KLHL29: variants seen among roughly 807,000 people sequenced by gnomAD.
The protein encoded by KLHL29 is kelch-like protein 29.
KLHL29 carries 21 observed loss-of-function variants against 80.4 expected under a neutral mutation model. That is an observed-to-expected ratio of 0.26 (90% CI 0.19 to 0.38). The LOEUF (loss-of-function observed/expected upper bound fraction) is 0.38, where lower values mean the gene tolerates loss of function less well. Among genes scored for constraint, KLHL29 ranks in the 10% least tolerant of loss-of-function variants. The pLI, the probability that KLHL29 is intolerant of heterozygous loss-of-function variation, is 1.00. For synonymous variants in KLHL29, 511 were observed against 526.8 expected (o/e 0.97, Z 0.41); for missense variants, 867 against 1,223.9 (o/e 0.71, Z 4.35).
At chr2:23,409,914 A>G (rs1347147356) in intron 1 of KLHL29, among the ~76,000 whole-genome samples, 1 of 152,202 alleles carries the variant, frequency 6.6e-6, no homozygotes, top group Non-Finnish European at 1.5e-5. Context: ...TAAGCTTAGC[A>G]TTTAAAGGGA....
rs6544862 is a variant in KLHL29, at chr2:23,457,669, C to T, written c.-153-17891C>T. 1.3e-5 allele frequency among the ~76,000 whole-genome samples: 2 copies of T among 152,094 alleles called. No individual in the cohort carries two copies. Among genetic ancestry groups the T allele is most frequent in the East Asian group, 3.9e-4 (2 of 5,174 alleles). On this transcript the variant is annotated intron_variant, in intron 1 of 13. Transcript: ENST00000486442. This position sits in a 1 kb window ranked among gnomAD's most constrained non-coding sequence, Gnocchi z 4.3. ...GCACCAGGAACAAGGTCCCTGCAGT[C>T]AGATGAAAGGTCCCCTCCTTGCCTG...
At chr2:23,504,366 G>A (rs995031771) in intron 2 of KLHL29, among the ~76,000 whole-genome samples, 5 of 152,186 alleles carry the variant, frequency 3.3e-5, no homozygotes, top group African/African-American at 1.2e-4. Context: ...GTCGGAGTGG[G>A]GGCCACTTCT....
intron 6 of KLHL29, 161 bp from the exon 7 acceptor site, chr2:23,691,513 G>A: frequency 1.6e-6 from 1 of 618,980 alleles, no homozygotes; most frequent in South Asian, 1.9e-5. Flanking sequence ...TTCTCTTTCA[G>A]ATCCCGTGTC....
At chr2:23,471,361 C>G (rs1051819370) in intron 1 of KLHL29, among the ~76,000 whole-genome samples, 5 of 152,144 alleles carry the variant, frequency 3.3e-5, no homozygotes, top group Non-Finnish European at 7.4e-5. Context: ...TCCTGGGGCC[C>G]TTGTTCATAA....
intron 2 of KLHL29, among the ~76,000 whole-genome samples, chr2:23,477,869 C>G (rs1047405136): frequency 6.6e-6 from 1 of 152,166 alleles, no homozygotes; most frequent in African/African-American, 2.4e-5. Flanking sequence ...CAGAGACACC[C>G]CAGGGCAGTG....
intron 1 of KLHL29, among the ~76,000 whole-genome samples, chr2:23,434,489 C>G (rs1367537741): frequency 1.3e-5 from 2 of 152,092 alleles, no homozygotes; most frequent in Non-Finnish European, 2.9e-5. Context: ...AGAATGCAAC[C>G]CTAATTAAAA....
intron 1 of KLHL29, among the ~76,000 whole-genome samples, chr2:23,449,858 A>G (rs1003251310): frequency 9.2e-5 from 14 of 152,146 alleles, no homozygotes; most frequent in Non-Finnish European, 8.8e-5. Flanking sequence ...GGAACCCTGC[A>G]TGTTAAATCT....
chr2:23,440,878 G>A (rs1663497832), intron 1 of KLHL29, among the ~76,000 whole-genome samples: 1 of 152,170 alleles, frequency 6.6e-6, no homozygotes, highest in Non-Finnish European at 1.5e-5. Flanking sequence ...TACACTGTTG[G>A]TGGGACTGTA....
At chr2:23,564,606 T>C (rs1667540065) in intron 3 of KLHL29, among the ~76,000 whole-genome samples, 1 of 152,206 alleles carries the variant, frequency 6.6e-6, no homozygotes, top group Admixed American at 6.5e-5. Flanking sequence ...TGGGCCACAG[T>C]GCCTTCCCGC....
Position 23,639,278 on chromosome 2 carries a change from C to G in KLHL29, c.425C>G (p.Pro142Arg). ...AAACAGATGAGAGAGAGTGACAATC[C>G]AGGTACGTACCTCATCGGCAGATAG... Reference protein sequence around the residue: ...PSKQMRESDNPGTGPWVTTVA... With the variant: ...PSKQMRESDNRGTGPWVTTVA... Residue 142 changes from proline to arginine, a missense_variant and splice_region_variant, in exon 4 of 14, where the codon CCA becomes CGA. Physicochemically the swap from Pro to Arg is moderately radical, Grantham distance 103. Coordinates refer to ENST00000486442, the MANE Select transcript of KLHL29 (RefSeq NM_052920.2). 7 of 1,547,074 alleles carry G rather than the reference C, an allele frequency of 4.5e-6. No homozygotes were observed. Among genetic ancestry groups the G allele is most frequent in the Non-Finnish European group, 6.1e-6 (7 of 1,145,052 alleles).
Position 23,695,591 on chromosome 2 carries a change from T to G in KLHL29, c.1543-32T>G. On this transcript the variant is annotated intron_variant, in intron 8 of 13. Transcript: ENST00000486442. The surrounding 1 kb of genome is among the most constrained non-coding windows in gnomAD (Gnocchi z 7.6). ...CCGGGAGGTGGCTCTCTCTTGCTAG[T>G]CTAAGAAGATTCTGTCTCCTGTACC... The G allele has an allele frequency of 2.7e-6, 4 of 1,482,816 alleles. No homozygotes were observed. Among genetic ancestry groups the G allele is most frequent in the Non-Finnish European group, 3.6e-6 (4 of 1,101,816 alleles). The allele number at this position is 1,482,816 out of a possible 1,614,324, so 91.9% of individuals were successfully genotyped here. A position where few individuals can be genotyped will look rare whatever the true frequency, so the allele number is the denominator to read the frequency against.
intron 3 of KLHL29, among the ~76,000 whole-genome samples, chr2:23,634,122 G>T (rs1669546426): frequency 6.6e-6 from 1 of 152,168 alleles, no homozygotes; most frequent in Admixed American, 6.5e-5. Flanking sequence ...CAGCACAGAT[G>T]CCTGGTACAC....
intron 1 of KLHL29, among the ~76,000 whole-genome samples, chr2:23,441,952 A>C (rs1027882995): frequency 6.6e-6 from 1 of 152,174 alleles, no homozygotes; most frequent in African/African-American, 2.4e-5. Context: ...GGTCTCCCAA[A>C]GATGTCCATG....
At chr2:23,526,454 G>A (rs1666321603) in intron 2 of KLHL29, among the ~76,000 whole-genome samples, 1 of 152,266 alleles carries the variant, frequency 6.6e-6, no homozygotes, top group Non-Finnish European at 1.5e-5. Flanking sequence ...AGGGGCCGGG[G>A]GAGGAGAGCC....
chr2:23,512,962 G>T (rs6732331), intron 2 of KLHL29, among the ~76,000 whole-genome samples: 4 of 152,250 alleles, frequency 2.6e-5, no homozygotes, highest in African/African-American at 9.6e-5. Flanking sequence ...GTCCCTGGGG[G>T]CACACAGGCC....
rs1263670204 is a variant in KLHL29 at position 23,647,505 on chromosome 2, A to G, written c.940+4655A>G. 1.3e-5 allele frequency among the ~76,000 whole-genome samples: 2 copies of G among 152,126 alleles called. No homozygotes were observed. The highest frequency in any genetic ancestry group is 1.9e-4 in the East Asian group (1 of 5,194). ...CTCTAGCACTAAGTCTGAAAACTCA[A>G]TCGATTCAGGTTTCTACATATGTCC... On this transcript the variant is annotated intron_variant, in intron 5 of 13. Transcript: ENST00000486442. This position sits in a 1 kb window ranked among gnomAD's most constrained non-coding sequence, Gnocchi z 4.9.
intron 2 of KLHL29, among the ~76,000 whole-genome samples, chr2:23,486,493 TG>T (rs1243126307): frequency 1.3e-5 from 2 of 152,174 alleles, no homozygotes; most frequent in Non-Finnish European, 2.9e-5. Context: ...AGTCAGGCTC[TG>T]TCCCTAGAAG....
At chr2:23,492,372 G>A (rs1438719437) in intron 2 of KLHL29, among the ~76,000 whole-genome samples, 1 of 152,206 alleles carries the variant, frequency 6.6e-6, no homozygotes, top group Non-Finnish European at 1.5e-5. Context: ...ACCGGTTTGG[G>A]GCTGCTGGTC....
At chr2:23,639,111 T>C (rs533432257) in intron 3 of KLHL29, 28 bp from the exon 4 acceptor site, 3 of 1,510,424 alleles carry the variant, frequency 2.0e-6, no homozygotes, top group Admixed American at 2.4e-5. Context: ...GGCCAGGCTA[T>C]GCTCACCTCC....
Sources: gnomAD v4.1 joint callset for allele counts (sites outside exome capture counted in the v4.1 genomes callset) on GRCh38, gnomAD v4.1.1 for gene constraint, Gnocchi (gnomAD v3.1) non-coding constraint, MANE v1.5 for transcripts, NCBI Gene and HGNC (gene_info 2026-07-23, HGNC 2026-07-21) for gene names.